Variants in TP53BP2 observed in about 807,000 individuals in gnomAD.
The protein encoded by TP53BP2 is tumor protein p53 binding protein 2.
A neutral mutation model predicts 126.2 loss-of-function variants in TP53BP2; 62 were observed. That is an observed-to-expected ratio of 0.49 (90% CI 0.40 to 0.61). The LOEUF (loss-of-function observed/expected upper bound fraction) is 0.61, where lower values mean the gene tolerates loss of function less well. TP53BP2 is among the 20% of genes least tolerant of loss of function. The pLI is 0.00. For missense variants in TP53BP2, 1,215 were observed against 1,402.8 expected (o/e 0.87, Z 2.14); for synonymous variants, 485 against 502.9 (o/e 0.96, Z 0.48).
At chr1:223,836,225 G>A (rs369612658) in intron 1 of TP53BP2, among the ~76,000 whole-genome samples, 8 of 152,214 alleles carry the variant, frequency 5.3e-5, no homozygotes, top group African/African-American at 1.7e-4. Context: ...GGCAAAGTCC[G>A]ATGGAGCGGA....
chr1:223,798,098 T>A, intron 12 of TP53BP2, 117 bp downstream of exon 12: 1 of 1,007,474 alleles, frequency 9.9e-7, no homozygotes, highest in South Asian at 1.6e-5. Flanking sequence ...GAAGCCACAG[T>A]TAAAAACCCT....
chr1:223,831,473 AAAAAAAAAT>A (rs1238964027), intron 1 of TP53BP2, among the ~76,000 whole-genome samples: 7 of 44,946 alleles, frequency 1.6e-4, no homozygotes, highest in African/African-American at 4.7e-4. Flanking sequence ...ATCTAAAAAA[AAAAAAAAAT>A]ATATATATAT....
At chr1:223,814,706 C>T (rs1663027134) in intron 2 of TP53BP2, among the ~76,000 whole-genome samples, 1 of 152,050 alleles carries the variant, frequency 6.6e-6, no homozygotes, top group Non-Finnish European at 1.5e-5. Flanking sequence ...TCCCTTCTAA[C>T]ACTAATATTC....
chr1:223,780,736 G>A lies in TP53BP2; in HGVS notation c.*117C>T, dbSNP rs542240871. On this transcript the variant is annotated 3_prime_UTR_variant, in exon 18 of 18. Coordinates refer to ENST00000343537, the MANE Select transcript of TP53BP2 (RefSeq NM_001031685.3). Reference sequence around the variant, plus strand: ...TTCTCTTCTAGAGACATTCTTCATCGCTTTCAAGCTACATTGTCATTAAAA... The same window carrying A: ...TTCTCTTCTAGAGACATTCTTCATCACTTTCAAGCTACATTGTCATTAAAA... 54 of 924,976 alleles carry A rather than the reference G, an allele frequency of 5.8e-5. 1 individual carries two copies. The highest frequency in any genetic ancestry group is 4.9e-4 in the Admixed American group (21 of 42,474). The allele number at this position is 924,976 out of a possible 1,614,324, so 57.3% of individuals were successfully genotyped here. A position where few individuals can be genotyped will look rare whatever the true frequency, so the allele number is the denominator to read the frequency against.
chr1:223,795,515 T>A (rs1347903032), intron 13 of TP53BP2, among the ~76,000 whole-genome samples: 1 of 152,152 alleles, frequency 6.6e-6, no homozygotes, highest in African/African-American at 2.4e-5. Context: ...GTCTTTTGAG[T>A]CCCAGTCGGG....
chr1:223,793,181 C>G, intron 14 of TP53BP2, 122 bp downstream of exon 14: 81 of 701,346 alleles, frequency 1.2e-4, no homozygotes, highest in Middle Eastern at 4.8e-4. Context: ...CAGTCGCTTT[C>G]TAATTAGAGC....
At position 223,845,770 on chromosome 1, in the gene TP53BP2, C is replaced by G. The variant is rs1322369324; in HGVS notation, c.-90G>C. 2.3e-6 allele frequency: 3 copies of G among 1,297,680 alleles called. No homozygotes were observed. Among genetic ancestry groups the G allele is most frequent in the Non-Finnish European group, 3.0e-6 (3 of 1,013,220 alleles). 80.4% of individuals were successfully genotyped at this position (1,297,680 alleles called of 1,614,324 possible). ...GGGAGGGGAGCGGAGAGCGAGGCCGCCCGGACCTGTTGCGAGGCGGCGGCG... is the reference window on the plus strand; with the variant it reads ...GGGAGGGGAGCGGAGAGCGAGGCCGGCCGGACCTGTTGCGAGGCGGCGGCG... On this transcript the variant is annotated 5_prime_UTR_variant, in exon 1 of 18. Coordinates refer to ENST00000343537, the MANE Select transcript of TP53BP2 (RefSeq NM_001031685.3).
chr1:223,781,319 A>G (rs1291893056), intron 17 of TP53BP2, among the ~76,000 whole-genome samples: 5 of 152,244 alleles, frequency 3.3e-5, no homozygotes, highest in Non-Finnish European at 5.9e-5. Context: ...TTTATTCACA[A>G]TGGACATGAC....
chr1:223,831,481 ATATATATATATATAT>A (rs1216503168), intron 1 of TP53BP2, among the ~76,000 whole-genome samples: 1,639 of 35,474 alleles, frequency 0.046, 118 homozygotes, highest in African/African-American at 0.1. Flanking sequence ...AAAAAAAAAA[ATATATATATATATAT>A]ATATATATAT....
chr1:223,816,792 ACCT>A (rs1234822605), intron 2 of TP53BP2, among the ~76,000 whole-genome samples: 1 of 151,872 alleles, frequency 6.6e-6, no homozygotes, highest in African/African-American at 2.4e-5. Flanking sequence ...CATGATAGTA[ACCT>A]TTTTACTACC....
chr1:223,810,596 T>C lies in TP53BP2; in HGVS notation c.290-83A>G, dbSNP rs542416827. 5.3e-6 allele frequency: 5 copies of C among 937,560 alleles called. No individual in the cohort carries two copies. In the East Asian group the frequency reaches 1.3e-4, roughly 25 times the overall value. 58.1% of individuals were successfully genotyped at this position (937,560 alleles called of 1,614,324 possible). On this transcript the variant is annotated intron_variant, in intron 3 of 17. Coordinates refer to ENST00000343537, the MANE Select transcript of TP53BP2 (RefSeq NM_001031685.3). The stretch of plus-strand genomic sequence containing the variant: ...ACCAGTTCATTTCTGAGTTCTGTCA[T>C]TACTGTTTGATATTTTAAGTTGAAT...
rs141655874 is a variant in TP53BP2 at position 223,781,568 on chromosome 1, A to G, written c.3364-674T>C. 6.0e-3 allele frequency among the ~76,000 whole-genome samples: 908 copies of G among 152,366 alleles called. 10 individuals are homozygous for G. Among genetic ancestry groups the G allele is most frequent in the African/African-American group, 0.019 (772 of 41,584 alleles). ...AAAAGCAGCCCCTCTTGACAAAAGA[A>G]GAGGAAGAAAAAGGATTACTCAAAG... is the stretch of plus-strand genomic sequence containing the variant. On this transcript the variant is annotated intron_variant, in intron 17 of 17. Transcript: ENST00000343537.
At chr1:223,837,977 T>C (rs916577353) in intron 1 of TP53BP2, among the ~76,000 whole-genome samples, 1 of 141,944 alleles carries the variant, frequency 7.0e-6, no homozygotes, top group Admixed American at 7.0e-5. Context: ...TCCCGGCCTC[T>C]GCACCAGTCC....
intron 2 of TP53BP2, among the ~76,000 whole-genome samples, chr1:223,819,794 G>C (rs903637048): frequency 6.6e-6 from 1 of 152,200 alleles, no homozygotes; most frequent in African/African-American, 2.4e-5. Flanking sequence ...ACCAGGAGCA[G>C]CTAGAAGTTC....
chr1:223,821,401 T>C (rs1429680143), intron 1 of TP53BP2, 34 bp from the exon 2 acceptor site: 1 of 1,613,500 alleles, frequency 6.2e-7, no homozygotes, highest in South Asian at 1.1e-5. Flanking sequence ...TGGTTACTGG[T>C]ACTGTCTGCC....
Position 223,845,732 on chromosome 1 carries a change from G to A in TP53BP2, c.-52C>T. 1 of 1,478,714 alleles carries A rather than the reference G, an allele frequency of 6.8e-7. No individual in the cohort carries two copies. The highest frequency in any genetic ancestry group is 9.0e-7 in the Non-Finnish European group (1 of 1,115,846). The allele number at this position is 1,478,714 out of a possible 1,614,324, so 91.6% of individuals were successfully genotyped here. ...CGGCCGAGCTGAGGTGCCCCGGAGGGTCGCGGATGCGGGGGAGGGGAGCGG... is the reference window on the plus strand; with the variant it reads ...CGGCCGAGCTGAGGTGCCCCGGAGGATCGCGGATGCGGGGGAGGGGAGCGG... On this transcript the variant is annotated 5_prime_UTR_variant, in exon 1 of 18. Transcript: ENST00000343537.
At chr1:223,801,993 A>C (rs777733489) in intron 9 of TP53BP2, 123 bp downstream of exon 9, 20 of 981,148 alleles carry the variant, frequency 2.0e-5, no homozygotes, top group Non-Finnish European at 2.8e-5. Flanking sequence ...CCAGCAAAGA[A>C]TATAAAAGGA....
intron 1 of TP53BP2, among the ~76,000 whole-genome samples, chr1:223,824,807 C>T (rs1052512126): frequency 6.6e-6 from 1 of 151,990 alleles, no homozygotes; most frequent in Non-Finnish European, 1.5e-5. Context: ...TTCTAATCCC[C>T]CCTCACTCTG....
intron 1 of TP53BP2, among the ~76,000 whole-genome samples, chr1:223,829,443 T>C (rs909365843): frequency 1.3e-5 from 2 of 152,186 alleles, no homozygotes; most frequent in South Asian, 4.1e-4. Flanking sequence ...CACAAATTAA[T>C]AGTAAGCATA....
Sources: allele counts gnomAD v4.1 joint callset (sites outside exome capture counted in the v4.1 genomes callset), GRCh38; gene constraint gnomAD v4.1.1; transcripts MANE v1.5; gene names NCBI Gene and HGNC (gene_info 2026-07-23, HGNC 2026-07-21).